Variants in AMBRA1 observed in about 807,000 individuals in gnomAD.
The protein encoded by AMBRA1 is autophagy and beclin 1 regulator 1, also known as activating molecule in BECN1-regulated autophagy protein 1.
AMBRA1 carries 47 observed loss-of-function variants against 125.4 expected under a neutral mutation model. That is an observed-to-expected ratio of 0.37 (90% CI 0.30 to 0.48). The LOEUF is 0.48. Among genes scored for constraint, AMBRA1 ranks in the 20% least tolerant of loss-of-function variants. AMBRA1 has a pLI of 0.99. For missense variants in AMBRA1, 1,331 were observed against 1,693.4 expected (o/e 0.79, Z 3.76); for synonymous variants, 626 against 655.5 (o/e 0.95, Z 0.69).
chr11:46,410,483 C>A, intron 15 of AMBRA1, 115 bp from the exon 16 acceptor site: 1 of 890,884 alleles, frequency 1.1e-6, no homozygotes, highest in Non-Finnish European at 1.8e-6. Flanking sequence ...TTTCTCTCTC[C>A]TGGGGCTGAG....
intron 1 of AMBRA1, among the ~76,000 whole-genome samples, chr11:46,564,887 C>T (rs1414444976): frequency 6.6e-6 from 1 of 152,048 alleles, no homozygotes; most frequent in Non-Finnish European, 1.5e-5. Context: ...ATTATTTCTT[C>T]GATATCTACA....
At chr11:46,451,266 G>A (rs1341026859) in intron 11 of AMBRA1, among the ~76,000 whole-genome samples, 2 of 152,196 alleles carry the variant, frequency 1.3e-5, no homozygotes, top group African/African-American at 4.8e-5. Context: ...AAACTAAGCT[G>A]CCAAGTCTCA....
chr11:46,496,000 T>C (rs1165917039), intron 9 of AMBRA1, among the ~76,000 whole-genome samples: 1 of 152,130 alleles, frequency 6.6e-6, no homozygotes, highest in East Asian at 1.9e-4. Context: ...ATCTGTAGTC[T>C]CAGTTACCTG....
At chr11:46,421,490 C>G (rs1178566479) in intron 14 of AMBRA1, among the ~76,000 whole-genome samples, 3 of 152,160 alleles carry the variant, frequency 2.0e-5, no homozygotes. Flanking sequence ...GAGATGAGGG[C>G]ATGGAGGGTG....
At chr11:46,477,716 C>G (rs1023522559) in intron 11 of AMBRA1, among the ~76,000 whole-genome samples, 3 of 151,972 alleles carry the variant, frequency 2.0e-5, no homozygotes, top group Non-Finnish European at 2.9e-5. Flanking sequence ...GGTTTATCAA[C>G]AGCAGAGCCC....
At chr11:46,436,418 C>CT (rs1369584575) in intron 12 of AMBRA1, among the ~76,000 whole-genome samples, 2 of 146,930 alleles carry the variant, frequency 1.4e-5, no homozygotes, top group East Asian at 3.8e-4. Context: ...GGGCTGACAC[C>CT]TACAGCACCA....
At position 46,443,539 on chromosome 11, in the gene AMBRA1, G is replaced by T. The variant is rs774567886; in HGVS notation, c.2581C>A (p.Arg861=). ...TTAGTGAAGTCCCACCACTGGAGCC[G>T]GTAGGTAGTATTGGCAATGTTACTG... The part of the protein sequence containing the change: ...VASNIANTTY[R]LQWWDFTKFD... Residue 861 remains arginine, a synonymous_variant, in exon 12 of 18, where the codon CGG becomes AGG. Coordinates refer to ENST00000683756, the MANE Select transcript of AMBRA1 (RefSeq NM_001387011.1). 1 of 1,614,058 alleles carries T rather than the reference G, an allele frequency of 6.2e-7. No homozygotes were observed.
At chr11:46,536,523 G>C (rs1158017460) in intron 7 of AMBRA1, among the ~76,000 whole-genome samples, 1 of 152,184 alleles carries the variant, frequency 6.6e-6, no homozygotes, top group Non-Finnish European at 1.5e-5. Context: ...CAATGGCACA[G>C]AAAAACTACT....
At chr11:46,504,570 G>C (rs1241737534) in intron 9 of AMBRA1, 2 of 152,236 alleles carry the variant, frequency 1.3e-5, no homozygotes, top group Non-Finnish European at 2.9e-5. Flanking sequence ...TGTCCTGTTT[G>C]TGCAGTTTGA....
rs1416615757 is a variant in AMBRA1, at chr11:46,548,336, C to T, written c.45G>A (p.Gly15=). The T allele has an allele frequency of 6.2e-7, 1 of 1,614,082 alleles. No individual in the cohort carries two copies. The highest frequency in any genetic ancestry group is 8.5e-7 in the Non-Finnish European group (1 of 1,180,020). ...PEKNAVRILW[G]RERGARAMGA... The stretch of plus-strand genomic sequence containing the variant: ...CCATGGCCCGAGCACCCCGTTCTCG[C>T]CCCCAGAGTATCCGGACAGCATTCT... Residue 15 remains glycine, a synonymous_variant, in exon 2 of 18, where the codon GGG becomes GGA. Coordinates refer to ENST00000683756, the MANE Select transcript of AMBRA1 (RefSeq NM_001387011.1).
At chr11:46,547,386 A>C (rs1591087690) in intron 3 of AMBRA1, 90 bp from the exon 4 acceptor site, 167 of 1,131,686 alleles carry the variant, frequency 1.5e-4, no homozygotes, top group East Asian at 2.5e-4. Flanking sequence ...TATTGATGCT[A>C]CCTGCCAATC....
chr11:46,479,849 A>AC (rs1053222129), intron 11 of AMBRA1, among the ~76,000 whole-genome samples: 2 of 152,176 alleles, frequency 1.3e-5, no homozygotes, highest in African/African-American at 4.8e-5. Flanking sequence ...AACTGCCATA[A>AC]CAACAAGCAG....
chr11:46,491,207 A>G (rs2136950633), intron 11 of AMBRA1: 1 of 152,328 alleles, frequency 6.6e-6, no homozygotes, highest in African/African-American at 2.4e-5. Context: ...CCCTCTTATA[A>G]AGTCCTAAGA....
chr11:46,587,909 T>C (rs1176241302), intron 1 of AMBRA1, among the ~76,000 whole-genome samples: 1 of 152,054 alleles, frequency 6.6e-6, no homozygotes, highest in East Asian at 1.9e-4. Flanking sequence ...CAACGTCTGA[T>C]GGGAATATTT....
chr11:46,459,369 T>C (rs1948995264), intron 11 of AMBRA1, among the ~76,000 whole-genome samples: 1 of 152,186 alleles, frequency 6.6e-6, no homozygotes, highest in Non-Finnish European at 1.5e-5. Flanking sequence ...ACTTGAATTA[T>C]TTACAGTGAA....
chr11:46,543,033 A>G lies in AMBRA1; in HGVS notation c.984T>C (p.Ser328=), dbSNP rs1952828421. 11 of 1,599,322 alleles carry G rather than the reference A, an allele frequency of 6.9e-6. No homozygotes were observed. Among genetic ancestry groups the G allele is most frequent in the Non-Finnish European group, 9.3e-6 (11 of 1,179,810 alleles). Residue 328 remains serine (S), a synonymous_variant, in exon 7 of 18, where the codon AGT becomes AGC. Coordinates refer to ENST00000683756, the MANE Select transcript of AMBRA1 (RefSeq NM_001387011.1). ...TAGCTCTGGCAGAAGCAGGGGGGAC[A>G]CTGTCCTGGTGTGGCAAGAGGGAAG... The part of the protein sequence containing the change: ...RVPSLLPHQD[S]VPPASARATT...
intron 1 of AMBRA1, among the ~76,000 whole-genome samples, chr11:46,571,543 C>CA (rs1379630522): frequency 6.6e-6 from 1 of 151,934 alleles, no homozygotes. Flanking sequence ...GCCATGGTGG[C>CA]ACATACCTGT....
chr11:46,488,226 C>T (rs1157235915), intron 11 of AMBRA1, among the ~76,000 whole-genome samples: 1 of 152,134 alleles, frequency 6.6e-6, no homozygotes, highest in Non-Finnish European at 1.5e-5. Flanking sequence ...GAAGCTGGGG[C>T]AGGTAGATCC....
chr11:46,466,850 C>CT (rs947224947), intron 11 of AMBRA1, among the ~76,000 whole-genome samples: 3 of 151,820 alleles, frequency 2.0e-5, no homozygotes, highest in South Asian at 2.1e-4. Flanking sequence ...CTTTTCAAAC[C>CT]TTTTTTTTCT....
Sources: allele counts gnomAD v4.1 joint callset (sites outside exome capture counted in the v4.1 genomes callset), GRCh38; gene constraint gnomAD v4.1.1; transcripts MANE v1.5; gene names NCBI Gene and HGNC (gene_info 2026-07-23, HGNC 2026-07-21).